CCDC66: variants seen among roughly 807,000 people sequenced by gnomAD.
CCDC66 encodes coiled-coil domain-containing protein 66.
Under a neutral mutation model 128.3 loss-of-function variants are expected in CCDC66, and 133 were observed. The ratio of observed to expected loss-of-function variants is 1.04; its 90% CI spans 0.90 to 1.20. The LOEUF is 1.20. Among genes scored for constraint, CCDC66 ranks in the 50% most tolerant of loss-of-function variants. The probability of loss-of-function intolerance (pLI) is 0.00; values close to 1 mark genes in which losing one functional copy is unlikely to be tolerated. For missense variants in CCDC66, 1,126 were observed against 1,075.5 expected, an observed-to-expected ratio of 1.05 and a Z score of -0.66; for synonymous variants, 387 against 357.0, an observed-to-expected ratio of 1.08 and a Z score of -0.95.
At position 56,619,599 on chromosome 3, in the gene CCDC66, C is replaced by G; in HGVS notation, c.2635+72C>G. 2.6e-6 allele frequency: 4 copies of G among 1,512,618 alleles called. No homozygotes were observed. In the South Asian group the frequency reaches 4.0e-5, roughly 15 times the overall value. The allele number at this position is 1,512,618 out of a possible 1,614,324, so 93.7% of individuals were successfully genotyped here. A position where few individuals can be genotyped will look rare whatever the true frequency, so the allele number is the denominator to read the frequency against. On this transcript the variant is annotated intron_variant, in intron 16 of 17. Coordinates refer to ENST00000394672, the MANE Select transcript of CCDC66 (RefSeq NM_001141947.3). ...TAAACCCCGTCAACAACTTTAAATT[C>G]CAAATTAGTAATTCCTGCACTTAGT...
At chr3:56,574,086 G>A (rs911091806) in intron 7 of CCDC66, among the ~76,000 whole-genome samples, 5 of 151,676 alleles carry the variant, frequency 3.3e-5, no homozygotes, top group Non-Finnish European at 7.4e-5. Flanking sequence ...AGTTTTCGCT[G>A]GGTGCAGTGG....
chr3:56,584,198 G>A (rs1232807904), intron 7 of CCDC66, among the ~76,000 whole-genome samples: 8 of 148,610 alleles, frequency 5.4e-5, no homozygotes, highest in Admixed American at 2.0e-4. Context: ...GGGCGGAGAC[G>A]CTCCTCACTT....
intron 10 of CCDC66, among the ~76,000 whole-genome samples, chr3:56,603,251 GA>G (rs1292379357): frequency 1.3e-5 from 2 of 151,898 alleles, no homozygotes; most frequent in African/African-American, 4.8e-5. Context: ...TGGATTCATT[GA>G]TTTTTTTTGA....
intron 10 of CCDC66, among the ~76,000 whole-genome samples, chr3:56,597,776 G>A (rs149520122): frequency 0.058 from 3,567 of 61,866 alleles, 203 homozygotes; most frequent in African/African-American, 0.16. Flanking sequence ...TTTGTTTTGG[G>A]GTTTTTTTTT....
intron 10 of CCDC66, among the ~76,000 whole-genome samples, chr3:56,600,529 G>C (rs6798118): frequency 0.32 from 48,663 of 151,840 alleles, 8,359 homozygotes; most frequent in East Asian, 0.48. Context: ...TGGTAGTTCT[G>C]GTTCTGGATC....
rs62637707 is a variant in CCDC66, at chr3:56,613,634, C to T, written c.1450C>T (p.Leu484=). 2.8e-3 allele frequency: 4,538 copies of T among 1,613,808 alleles called. 117 individuals carry two copies. The African/African-American group carries it at 0.053, about 19-fold the overall frequency. ...QVEEKRRKKQ[L]EEEQRKKEEQ... ...AGAAGAGAAGCGCAGGAAGAAACAA[C>T]TGGAGGAAGAGCAAAGAAAGAAGGA... Residue 484 remains leucine, a synonymous_variant, in exon 11 of 18, where the codon CTG becomes TTG. Coordinates refer to ENST00000394672, the MANE Select transcript of CCDC66 (RefSeq NM_001141947.3).
At chr3:56,559,729 C>G (rs17235677) in intron 3 of CCDC66, 135 bp downstream of exon 3, 40,778 of 637,246 alleles carry the variant, frequency 0.064, 1,689 homozygotes, top group South Asian at 0.17. Flanking sequence ...TTATTATTTT[C>G]TTGCTTTCAG....
At chr3:56,619,954 T>C (rs1330302186) in intron 17 of CCDC66, 53 bp downstream of exon 17, 2 of 1,576,190 alleles carry the variant, frequency 1.3e-6, no homozygotes, top group South Asian at 1.2e-5. Flanking sequence ...GCGTGGGCGG[T>C]TGGGGGAACC....
chr3:56,558,286 C>G (rs2064634812), intron 1 of CCDC66, among the ~76,000 whole-genome samples: 1 of 152,142 alleles, frequency 6.6e-6, no homozygotes, highest in South Asian at 2.1e-4. Context: ...GTTTTGTTGG[C>G]AGTGGCTACT....
At chr3:56,613,156 G>A (rs796508000) in intron 10 of CCDC66, among the ~76,000 whole-genome samples, 1 of 152,288 alleles carries the variant, frequency 6.6e-6, no homozygotes, top group African/African-American at 2.4e-5. Context: ...GGTCTTGGGT[G>A]TTTGTGGAGC....
At chr3:56,594,448 AG>A (rs1238187067) in intron 10 of CCDC66, among the ~76,000 whole-genome samples, 1 of 152,090 alleles carries the variant, frequency 6.6e-6, no homozygotes, top group Admixed American at 6.5e-5. Flanking sequence ...GCACTTTGGG[AG>A]GCTGAGTGGG....
chr3:56,567,134 G>A, intron 6 of CCDC66, 81 bp downstream of exon 6: 5 of 1,051,328 alleles, frequency 4.8e-6, no homozygotes, highest in Non-Finnish European at 7.3e-6. Context: ...GCTCACACCT[G>A]TAATACCAGC....
chr3:56,575,537 A>C (rs2067239839), intron 7 of CCDC66, among the ~76,000 whole-genome samples: 1 of 150,964 alleles, frequency 6.6e-6, no homozygotes, highest in Non-Finnish European at 1.5e-5. Context: ...TCTGTGAGCT[A>C]CTTTTTCACT....
At position 56,621,644 on chromosome 3, in the gene CCDC66, T is replaced by C. The variant is rs2076653156; in HGVS notation, c.*26T>C. On this transcript the variant is annotated 3_prime_UTR_variant, in exon 18 of 18. Transcript: ENST00000394672. ...ATGTAGAAAATCAAATCCTTCACATTTGATTTGTGTCTTCCAAATTATAAA... is the reference window on the plus strand; with the variant it reads ...ATGTAGAAAATCAAATCCTTCACATCTGATTTGTGTCTTCCAAATTATAAA... The C allele has an allele frequency of 2.7e-6, 4 of 1,480,598 alleles. No individual in the cohort carries two copies. Among genetic ancestry groups the C allele is most frequent in the African/African-American group, 2.8e-5 (2 of 71,384 alleles). The allele number at this position is 1,480,598 out of a possible 1,614,324, so 91.7% of individuals were successfully genotyped here. A position where few individuals can be genotyped will look rare whatever the true frequency, so the allele number is the denominator to read the frequency against.
At chr3:56,612,350 G>A (rs539047990) in intron 10 of CCDC66, among the ~76,000 whole-genome samples, 40 of 152,160 alleles carry the variant, frequency 2.6e-4, no homozygotes, top group Non-Finnish European at 5.0e-4. Flanking sequence ...GGAGGCTGTG[G>A]TAAAGTTTTG....
chr3:56,588,223 G>A (rs2070169768), intron 7 of CCDC66, among the ~76,000 whole-genome samples: 1 of 152,166 alleles, frequency 6.6e-6, no homozygotes, highest in African/African-American at 2.4e-5. Flanking sequence ...AACATCTTAT[G>A]TTCTCACTCA....
At chr3:56,576,543 C>G (rs2067396942) in intron 7 of CCDC66, among the ~76,000 whole-genome samples, 1 of 145,204 alleles carries the variant, frequency 6.9e-6, no homozygotes, top group Non-Finnish European at 1.5e-5. Flanking sequence ...CCTCCTAATG[C>G]TATCCCTCCT....
In CCDC66 at chr3:56,619,800, T is replaced by C. The variant is rs531605115; in HGVS notation, c.2659T>C (p.Phe887Leu). The C allele has an allele frequency of 7.7e-5, 125 of 1,614,062 alleles. No individual in the cohort carries two copies. The highest frequency in any genetic ancestry group is 4.7e-4 in the Admixed American group (28 of 59,996). The change falls in exon 17 of 18, where the codon TTT becomes CTT. Residue 887 changes from phenylalanine (F) to leucine (L), a missense_variant. By Grantham distance (22) the Phe-to-Leu change is conservative. Transcript: ENST00000394672. ...AGACTGTGGCCAAAAACGACAGCTA[T>C]TTGATTCTGACTGTGTCAGGGATCC... ...SQDCGQKRQL[F>L]DSDCVRDPLL...
At chr3:56,619,932 G>GTTCT (rs1347253672) in intron 17 of CCDC66, 31 bp downstream of exon 17, 1 of 1,602,586 alleles carries the variant, frequency 6.2e-7, no homozygotes, top group African/African-American at 1.3e-5. Context: ...AGATATGTCT[G>GTTCT]TTCTTTATGT....
Sources: gnomAD v4.1 joint callset for allele counts (sites outside exome capture counted in the v4.1 genomes callset) on GRCh38, gnomAD v4.1.1 for gene constraint, MANE v1.5 for transcripts, NCBI Gene and HGNC (gene_info 2026-07-23, HGNC 2026-07-21) for gene names.